The following CADM2 variants were observed in gnomAD, a reference collection of about 807,000 sequenced individuals.
CADM2 encodes cell adhesion molecule 2, also known as immunoglobulin superfamily member 4D.
Under a neutral mutation model 49.8 loss-of-function variants are expected in CADM2, and 12 were observed. The observed-to-expected ratio is 0.24, with a 90% confidence interval of 0.15 to 0.39. CADM2 has a LOEUF of 0.39. Among genes scored for constraint, CADM2 ranks in the 10% least tolerant of loss-of-function variants. The probability of loss-of-function intolerance (pLI) is 1.00; values close to 1 mark genes in which losing one functional copy is unlikely to be tolerated. For missense variants in CADM2, 378 were observed against 492.3 expected (o/e 0.77, Z 2.20); for synonymous variants, 214 against 175.4 (o/e 1.22, Z -1.74).
chr3:85,638,132 A>G (rs983591402), intron 1 of CADM2, among the ~76,000 whole-genome samples: 3 of 152,186 alleles, frequency 2.0e-5, no homozygotes, highest in Non-Finnish European at 4.4e-5. Context: ...CTCTTAATTG[A>G]ATATGTAGAT....
chr3:85,926,145 TA>T (rs1719824742), intron 6 of CADM2, among the ~76,000 whole-genome samples: 1 of 80,494 alleles, frequency 1.2e-5, no homozygotes, highest in South Asian at 3.6e-4. Flanking sequence ...CAAAAATAAA[TA>T]AATAAATAAA....
chr3:85,443,921 G>A (rs72907279), intron 1 of CADM2, among the ~76,000 whole-genome samples: 6,435 of 151,994 alleles, frequency 0.042, 460 homozygotes, highest in African/African-American at 0.15. Flanking sequence ...TGTTAGATAG[G>A]TATCTCAGAT....
At chr3:84,970,076 G>A (rs1307973283) in intron 1 of CADM2, among the ~76,000 whole-genome samples, 1 of 122,484 alleles carries the variant, frequency 8.2e-6, no homozygotes, top group Non-Finnish European at 1.6e-5. Context: ...TTACTGCCAA[G>A]CTAGAGAGTA....
intron 8 of CADM2, among the ~76,000 whole-genome samples, chr3:85,979,482 TA>T (rs1727213410): frequency 6.6e-6 from 1 of 151,672 alleles, no homozygotes; most frequent in Admixed American, 6.6e-5. Flanking sequence ...TAGTGTTACT[TA>T]AGACTATTAT....
chr3:85,436,849 C>T (rs916750380), intron 1 of CADM2, among the ~76,000 whole-genome samples: 12 of 152,212 alleles, frequency 7.9e-5, no homozygotes, highest in African/African-American at 2.9e-4. Flanking sequence ...CCTACATTGA[C>T]ACATCATTGT....
chr3:85,283,135 G>C (rs1024306533), intron 1 of CADM2, among the ~76,000 whole-genome samples: 6 of 151,776 alleles, frequency 4.0e-5, no homozygotes, highest in Non-Finnish European at 8.8e-5. Flanking sequence ...ATTGGATAAT[G>C]ATTTTCTTTG....
chr3:85,906,562 G>T (rs908867592), intron 5 of CADM2, among the ~76,000 whole-genome samples: 2 of 152,024 alleles, frequency 1.3e-5, no homozygotes, highest in African/African-American at 4.8e-5. Flanking sequence ...TTAAGAAACA[G>T]GATTATGACT....
At chr3:85,363,063 T>G (rs902844250) in intron 1 of CADM2, among the ~76,000 whole-genome samples, 4 of 152,144 alleles carry the variant, frequency 2.6e-5, no homozygotes, top group African/African-American at 9.7e-5. Flanking sequence ...ACTCAAAGTC[T>G]CCTTAGGGTC....
intron 1 of CADM2, among the ~76,000 whole-genome samples, chr3:85,145,221 TA>T (rs2039702255): frequency 6.6e-6 from 1 of 152,220 alleles, no homozygotes; most frequent in Non-Finnish European, 1.5e-5. Flanking sequence ...AAAATCACAC[TA>T]AAATGACCAC....
intron 1 of CADM2, among the ~76,000 whole-genome samples, chr3:85,237,792 C>T (rs2107828477): frequency 6.6e-6 from 1 of 151,770 alleles, no homozygotes; most frequent in Non-Finnish European, 1.5e-5. Context: ...GTTCAAGATA[C>T]ATGTTGGTAG....
chr3:85,471,436 G>C (rs796885211), intron 1 of CADM2, among the ~76,000 whole-genome samples: 14 of 152,192 alleles, frequency 9.2e-5, no homozygotes, highest in African/African-American at 3.4e-4. Context: ...CATCTGCCTT[G>C]TTAAAATTAT....
At chr3:85,325,908 C>T (rs992826326) in intron 1 of CADM2, among the ~76,000 whole-genome samples, 2 of 152,006 alleles carry the variant, frequency 1.3e-5, no homozygotes, top group Non-Finnish European at 2.9e-5. Flanking sequence ...TCTCCTCAAG[C>T]GACTTACATC....
At chr3:85,609,535 A>G (rs1216335190) in intron 1 of CADM2, among the ~76,000 whole-genome samples, 1 of 152,094 alleles carries the variant, frequency 6.6e-6, no homozygotes, top group African/African-American at 2.4e-5. Context: ...TGATAGGTAC[A>G]GGATAGATTC....
intron 1 of CADM2, among the ~76,000 whole-genome samples, chr3:85,320,840 C>T (rs1253288885): frequency 6.6e-6 from 1 of 151,588 alleles, no homozygotes; most frequent in Non-Finnish European, 1.5e-5. Flanking sequence ...TACTGCATTT[C>T]AGATACCAGT....
At chr3:85,259,765 G>C (rs1052313107) in intron 1 of CADM2, among the ~76,000 whole-genome samples, 1 of 152,058 alleles carries the variant, frequency 6.6e-6, no homozygotes, top group African/African-American at 2.4e-5. Flanking sequence ...TCTTTGGCTT[G>C]AATGATATGG....
intron 3 of CADM2, among the ~76,000 whole-genome samples, chr3:85,814,977 A>C (rs1054234174): frequency 1.3e-5 from 2 of 152,050 alleles, no homozygotes; most frequent in African/African-American, 4.8e-5. Context: ...CCTCTATGCA[A>C]ATAAACTAGA....
chr3:85,020,749 T>C (rs892940167), intron 1 of CADM2, among the ~76,000 whole-genome samples: 5 of 150,484 alleles, frequency 3.3e-5, no homozygotes, highest in Non-Finnish European at 7.4e-5. Context: ...GTGTACGGTG[T>C]GTGTGTGTGT....
At chr3:85,256,120 C>T (rs754378941) in intron 1 of CADM2, among the ~76,000 whole-genome samples, 6 of 152,082 alleles carry the variant, frequency 3.9e-5, no homozygotes, top group South Asian at 2.1e-4. Context: ...TGTTTTCTCA[C>T]GCAACAGCAC....
intron 2 of CADM2, among the ~76,000 whole-genome samples, chr3:85,764,172 CTATAT>C (rs199536852): frequency 0.028 from 4,206 of 151,972 alleles, 66 homozygotes; most frequent in Non-Finnish European, 0.043. Context: ...TTTCTAAGTA[CTATAT>C]TATAAGGATT....
Sources: allele counts gnomAD v4.1 joint callset (sites outside exome capture counted in the v4.1 genomes callset), GRCh38; gene constraint gnomAD v4.1.1; transcripts MANE v1.5; gene names NCBI Gene and HGNC (gene_info 2026-07-23, HGNC 2026-07-21).